Variants in STPG2 observed in about 807,000 individuals in gnomAD.
The protein encoded by STPG2 is sperm tail PG-rich repeat containing 2, also known as sperm-tail PG-rich repeat-containing protein 2.
STPG2 carries 56 observed loss-of-function variants against 54.2 expected under a neutral mutation model. The ratio of observed to expected loss-of-function variants is 1.03; its 90% confidence interval spans 0.83 to 1.29. STPG2 has a LOEUF of 1.29. Among genes scored for constraint, STPG2 ranks in the 50% most tolerant of loss-of-function variants. The pLI, the probability that STPG2 is intolerant of heterozygous loss-of-function variation, is 0.00. For missense variants in STPG2, 596 were observed against 544.9 expected, an observed-to-expected ratio of 1.09 and a Z score of -0.93; for synonymous variants, 200 against 181.8, an observed-to-expected ratio of 1.10 and a Z score of -0.81.
intron 10 of STPG2, among the ~76,000 whole-genome samples, chr4:97,673,537 CA>C (rs1218290638): frequency 3.9e-5 from 6 of 152,254 alleles, no homozygotes; most frequent in African/African-American, 1.4e-4. Flanking sequence ...ATTATTCACT[CA>C]GGGCTTGTCT....
intron 9 of STPG2, among the ~76,000 whole-genome samples, chr4:97,789,490 G>A (rs1726926706): frequency 6.6e-6 from 1 of 151,632 alleles, no homozygotes; most frequent in Non-Finnish European, 1.5e-5. Context: ...CATTAACTAG[G>A]GAAAATCAAT....
chr4:97,827,165 T>C (rs1336806097), intron 9 of STPG2, among the ~76,000 whole-genome samples: 1 of 152,062 alleles, frequency 6.6e-6, no homozygotes, highest in Admixed American at 6.5e-5. Context: ...TCTTTTTGAC[T>C]CTTTGCTTAA....
intron 7 of STPG2, among the ~76,000 whole-genome samples, chr4:97,967,222 G>C (rs1341913997): frequency 6.9e-6 from 1 of 145,500 alleles, no homozygotes; most frequent in Admixed American, 6.9e-5. Flanking sequence ...GGCAATCCTA[G>C]TCTCTGATAA....
chr4:97,492,403 A>C (rs1730521349), intron 4 of STPG2, among the ~76,000 whole-genome samples: 1 of 151,312 alleles, frequency 6.6e-6, no homozygotes, highest in Admixed American at 6.6e-5. Flanking sequence ...TTTCTCCCTG[A>C]CTCCTCAGAA....
intron 9 of STPG2, among the ~76,000 whole-genome samples, chr4:97,730,721 T>A (rs906164926): frequency 9.2e-5 from 14 of 152,212 alleles, no homozygotes; most frequent in African/African-American, 2.7e-4. Flanking sequence ...TCATTTTTTT[T>A]AAATCTTTTT....
At chr4:97,729,090 T>TCTCTCTCTCTCTCTCTCTCTCTCTCTCC (rs1724716302) in intron 9 of STPG2, among the ~76,000 whole-genome samples, 2 of 151,266 alleles carry the variant, frequency 1.3e-5, no homozygotes, top group African/African-American at 4.9e-5. Flanking sequence ...TCTCTCTCTC[T>TCTCTCTCTCTCTCTCTCTCTCTCTCTCC]CTCTCTCAGG....
intron 4 of STPG2, among the ~76,000 whole-genome samples, chr4:97,488,199 C>A (rs1026093084): frequency 6.6e-6 from 1 of 151,584 alleles, no homozygotes; most frequent in African/African-American, 2.4e-5. Context: ...CATTTATCTA[C>A]AGAGAATATT....
At chr4:97,833,884 G>A (rs1728551934) in intron 9 of STPG2, among the ~76,000 whole-genome samples, 1 of 152,164 alleles carries the variant, frequency 6.6e-6, no homozygotes, top group African/African-American at 2.4e-5. Flanking sequence ...AGGATGTGGA[G>A]AAATAGGAAT....
chr4:97,513,853 T>C (rs1467669374), intron 4 of STPG2, among the ~76,000 whole-genome samples: 2 of 152,094 alleles, frequency 1.3e-5, no homozygotes, highest in African/African-American at 2.4e-5. Context: ...TAAGAAACTA[T>C]GCAGTAGTGC....
chr4:97,575,754 G>A (rs1732707063), intron 10 of STPG2, among the ~76,000 whole-genome samples: 1 of 152,044 alleles, frequency 6.6e-6, no homozygotes, highest in South Asian at 2.1e-4. Context: ...AGTACTAGAA[G>A]TCCTAGCCAG....
At chr4:97,689,209 A>G (rs1279055805) in intron 10 of STPG2, among the ~76,000 whole-genome samples, 1 of 152,152 alleles carries the variant, frequency 6.6e-6, no homozygotes, top group Non-Finnish European at 1.5e-5. Context: ...TTTTGTATTT[A>G]TAAAAAGCTA....
chr4:97,827,534 C>T (rs1338507531), intron 9 of STPG2, among the ~76,000 whole-genome samples: 1 of 152,134 alleles, frequency 6.6e-6, no homozygotes, highest in Non-Finnish European at 1.5e-5. Flanking sequence ...TGCACCCGGC[C>T]TAGACAGCTT....
chr4:97,505,261 G>A (rs750980919), intron 4 of STPG2, among the ~76,000 whole-genome samples: 5 of 151,692 alleles, frequency 3.3e-5, no homozygotes, highest in African/African-American at 2.4e-5. Flanking sequence ...CACCCCAAAT[G>A]GCATTCCTAC....
At chr4:98,041,434 C>T (rs10028692) in intron 5 of STPG2, among the ~76,000 whole-genome samples, 59,794 of 151,288 alleles carry the variant, frequency 0.4, 12,015 homozygotes, top group Middle Eastern at 0.46. Context: ...ATATTTTAAC[C>T]TTTCTCCATT....
intron 10 of STPG2, among the ~76,000 whole-genome samples, chr4:97,566,284 T>C (rs191792486): frequency 4.6e-5 from 7 of 152,282 alleles, no homozygotes; most frequent in Admixed American, 4.6e-4. Flanking sequence ...TTTAAGCCCG[T>C]TGGAAAAGCA....
intron 8 of STPG2, among the ~76,000 whole-genome samples, chr4:97,920,697 G>A (rs1216453112): frequency 1.3e-5 from 2 of 152,144 alleles, no homozygotes; most frequent in Non-Finnish European, 2.9e-5. Flanking sequence ...CAACCTGGCT[G>A]AGAGTAAAGG....
intron 9 of STPG2, among the ~76,000 whole-genome samples, chr4:97,781,321 G>T (rs962573018): frequency 5.3e-5 from 8 of 152,106 alleles, no homozygotes; most frequent in African/African-American, 1.9e-4. Flanking sequence ...AAATAAACTA[G>T]AAAATCTAGA....
intron 9 of STPG2, among the ~76,000 whole-genome samples, chr4:97,783,756 A>C (rs566922876): frequency 5.9e-5 from 9 of 152,360 alleles, no homozygotes; most frequent in African/African-American, 1.9e-4. Flanking sequence ...AAAAAGGATG[A>C]GTTCACATCC....
At chr4:97,589,879 C>G (rs1178508739) in intron 10 of STPG2, among the ~76,000 whole-genome samples, 1 of 152,092 alleles carries the variant, frequency 6.6e-6, no homozygotes. Context: ...GTATTCAGTA[C>G]AGTAAGATGT....
Sources: gnomAD v4.1 joint callset for allele counts (sites outside exome capture counted in the v4.1 genomes callset) on GRCh38, gnomAD v4.1.1 for gene constraint, MANE v1.5 for transcripts, NCBI Gene and HGNC (gene_info 2026-07-23, HGNC 2026-07-21) for gene names.